MROH1: variants seen among roughly 807,000 people sequenced by gnomAD.
The protein encoded by MROH1 is maestro heat like repeat family member 1.
MROH1 carries 117 observed loss-of-function variants against 116.5 expected under a neutral mutation model. That is an observed-to-expected ratio of 1.00 (90% CI 0.86 to 1.17). MROH1 has a LOEUF of 1.17. MROH1 is among the 50% of genes most tolerant of loss of function. The pLI is 0.00. For missense variants in MROH1, 1,873 were observed against 1,338.5 expected (o/e 1.40, Z -6.23); for synonymous variants, 921 against 583.9 (o/e 1.58, Z -8.32).
chr8:144,243,814 A>G (rs1300235878), intron 25 of MROH1, 49 bp from the exon 26 acceptor site: 7 of 754,926 alleles, frequency 9.3e-6, no homozygotes, highest in African/African-American at 1.7e-5. Context: ...ACCAGGGAGG[A>G]GAGCTGGCGT....
intron 1 of MROH1, among the ~76,000 whole-genome samples, chr8:144,156,780 CTTTTTTT>C (rs1188353149): frequency 1.2e-5 from 1 of 82,412 alleles, no homozygotes; most frequent in East Asian, 4.4e-4. Context: ...AGTTTAATTT[CTTTTTTT>C]TTTTTTTTTT....
In MROH1 at chr8:144,247,407, C is replaced by T; in HGVS notation, c.2978C>T (p.Ser993Phe). 1.3e-6 allele frequency: 1 copy of T among 771,184 alleles called. No homozygotes were observed. Among genetic ancestry groups the T allele is most frequent in the Non-Finnish European group, 2.4e-6 (1 of 413,652 alleles). The allele number at this position is 771,184 out of a possible 1,614,324, so 47.8% of individuals were successfully genotyped here. The change falls in exon 30 of 44, where the codon TCC (serine) becomes TTC (phenylalanine). Residue 993 changes from serine (S) to phenylalanine (F), a missense_variant. By Grantham distance (155) the Ser-to-Phe change is radical (BLOSUM62 -2). Transcript: ENST00000326134. ...TRQEAVDCVY[S>F]LLYLQLGYEG... ...CAGGAGGCCGTGGACTGTGTCTACT[C>T]CCTGCTGTACCTCCAGCTCGGCTAT...
At position 144,191,930 on chromosome 8, in the gene MROH1, C is replaced by T. The variant is rs1588047272; in HGVS notation, c.855+75C>T. 2.6e-6 allele frequency: 4 copies of T among 1,560,794 alleles called. No homozygotes were observed. The East Asian group carries it at 9.0e-5, about 35-fold the overall frequency. On this transcript the variant is annotated intron_variant, in intron 9 of 43. Transcript: ENST00000326134. ...GACTCCCCGGGGGTGGCCGTGAGTC[C>T]TCGGCTAGGGCTCAGTGGTGGGTGG... is the stretch of plus-strand genomic sequence containing the variant.
At chr8:144,214,287 C>G (rs1834803507) in intron 12 of MROH1, 1 of 152,352 alleles carries the variant, frequency 6.6e-6, no homozygotes, top group African/African-American at 2.4e-5. Context: ...CAGTGCAGCA[C>G]CCCCATGAAT....
At chr8:144,172,953 C>T (rs1286707310) in intron 4 of MROH1, among the ~76,000 whole-genome samples, 4 of 152,008 alleles carry the variant, frequency 2.6e-5, no homozygotes. Context: ...CAGAATAAAC[C>T]TTGTTAGGTA....
chr8:144,239,093 C>G lies in MROH1; in HGVS notation c.1505C>G (p.Thr502Ser), dbSNP rs1367561577. 3.9e-6 allele frequency: 3 copies of G among 776,710 alleles called. No individual in the cohort carries two copies. The highest frequency in any genetic ancestry group is 7.2e-6 in the Non-Finnish European group (3 of 417,766). 48.1% of individuals were successfully genotyped at this position (776,710 alleles called of 1,614,324 possible). A position where few individuals can be genotyped will look rare whatever the true frequency, so the allele number is the denominator to read the frequency against. Residue 502 changes from threonine to serine, a missense_variant, in exon 16 of 44, where the codon ACT becomes AGT. Coordinates refer to ENST00000326134, the MANE Select transcript of MROH1 (RefSeq NM_032450.3). ...CCTGTGCGCTTCACTGGGGCCCTGA[C>G]TCCGCTCTGCAGGAGCCTCGTGCAT... is the stretch of plus-strand genomic sequence containing the variant. ...LTPVRFTGAL[T>S]PLCRSLVHLA...
chr8:144,164,341 G>A (rs1367388334), intron 3 of MROH1, among the ~76,000 whole-genome samples: 2 of 150,566 alleles, frequency 1.3e-5, no homozygotes, highest in Non-Finnish European at 1.5e-5. Context: ...GGAGGCGGAG[G>A]TTGCAGTGAG....
chr8:144,240,215 G>T, intron 19 of MROH1, 62 bp downstream of exon 19: 1 of 698,682 alleles, frequency 1.4e-6, no homozygotes, highest in South Asian at 1.6e-5. Context: ...GGGGGTGCTG[G>T]GGTGGCAGAG....
At position 144,259,326 on chromosome 8, in the gene MROH1, G is replaced by A. The variant is rs1844523993; in HGVS notation, c.4016G>A (p.Arg1339Lys). 1.4e-6 allele frequency: 1 copy of A among 715,188 alleles called. No individual in the cohort carries two copies. The highest frequency in any genetic ancestry group is 2.6e-6 in the Non-Finnish European group (1 of 384,896). The allele number at this position is 715,188 out of a possible 1,614,324, so 44.3% of individuals were successfully genotyped here. A position where few individuals can be genotyped will look rare whatever the true frequency, so the allele number is the denominator to read the frequency against. ...CACAGCAGTGCGTATGAGAACCAGA[G>A]GGTGACCACCACCGCCTTCCTGGCC... ...CTHSSAYENQ[R>K]VTTTAFLAEL... The change falls in exon 37 of 44, where the codon AGG becomes AAG. Residue 1339 changes from arginine to lysine, a missense_variant. Physicochemically the swap from Arg to Lys is conservative, Grantham distance 26. Coordinates refer to ENST00000326134, the MANE Select transcript of MROH1 (RefSeq NM_032450.3).
At chr8:144,164,116 C>G (rs1820199743) in intron 3 of MROH1, among the ~76,000 whole-genome samples, 1 of 139,170 alleles carries the variant, frequency 7.2e-6, no homozygotes, top group Admixed American at 7.3e-5. Flanking sequence ...TTTTTTAAGA[C>G]AGGGTCGGCT....
chr8:144,163,751 T>G lies in MROH1; in HGVS notation c.-56-20T>G. 1 of 1,505,858 alleles carries G rather than the reference T, an allele frequency of 6.6e-7. No individual in the cohort carries two copies. The highest frequency in any genetic ancestry group is 9.2e-7 in the Non-Finnish European group (1 of 1,087,352). 93.3% of individuals were successfully genotyped at this position (1,505,858 alleles called of 1,614,324 possible). A position where few individuals can be genotyped will look rare whatever the true frequency, so the allele number is the denominator to read the frequency against. On this transcript the variant is annotated intron_variant, in intron 2 of 43. Transcript: ENST00000326134. This position sits in a 1 kb window ranked among gnomAD's most constrained non-coding sequence, Gnocchi z 4.4. ...TCGTAGAGGCTTATGAATTAAATCT[T>G]GTGATTTTGGTTATTCCAGATGGGA... is the stretch of plus-strand genomic sequence containing the variant.
chr8:144,244,705 G>A (rs1841589566), intron 28 of MROH1, among the ~76,000 whole-genome samples, 166 bp downstream of exon 28: 2 of 152,192 alleles, frequency 1.3e-5, no homozygotes, highest in South Asian at 4.1e-4. Context: ...CATCTGGGCT[G>A]GCAAGCAGTT....
intron 10 of MROH1, chr8:144,192,666 G>A (rs1042091525): frequency 1.6e-5 from 10 of 641,322 alleles, no homozygotes; most frequent in South Asian, 4.9e-5. Context: ...TGCAGGCCCA[G>A]TACAGGTGGT....
At chr8:144,219,451 C>A (rs1282220731) in intron 12 of MROH1, among the ~76,000 whole-genome samples, 1 of 152,176 alleles carries the variant, frequency 6.6e-6, no homozygotes, top group African/African-American at 2.4e-5. Flanking sequence ...AGCCACCACA[C>A]CTAACCCCTT....
At chr8:144,188,757 C>T (rs776231343) in intron 7 of MROH1, among the ~76,000 whole-genome samples, 32 of 152,102 alleles carry the variant, frequency 2.1e-4, no homozygotes, top group African/African-American at 5.1e-4. Flanking sequence ...TGAGCCACTG[C>T]GTCCGGCCAC....
At chr8:144,210,361 C>T (rs1028760117) in intron 12 of MROH1, among the ~76,000 whole-genome samples, 3 of 151,612 alleles carry the variant, frequency 2.0e-5, no homozygotes, top group African/African-American at 7.3e-5. Flanking sequence ...TTGCTTGAAC[C>T]TGGGAGGGGG....
At chr8:144,164,129 G>C (rs1328493208) in intron 3 of MROH1, among the ~76,000 whole-genome samples, 2 of 150,524 alleles carry the variant, frequency 1.3e-5, no homozygotes, top group Non-Finnish European at 3.0e-5. Context: ...GGTCGGCTGG[G>C]CACAGTGGCT....
intron 14 of MROH1, among the ~76,000 whole-genome samples, chr8:144,233,069 G>T (rs1839253627): frequency 6.6e-6 from 1 of 150,484 alleles, no homozygotes; most frequent in Non-Finnish European, 1.5e-5. Flanking sequence ...GGCTCAAGAA[G>T]TCTTTCTGCC....
chr8:144,179,414 G>A lies in MROH1; in HGVS notation c.169-41G>A, dbSNP rs200825830. 370 of 1,605,790 alleles carry A rather than the reference G, an allele frequency of 2.3e-4. 4 individuals carry two copies. The East Asian group carries it at 8.0e-3, about 35-fold the overall frequency. ...ACAGGCACTCAGAGTGTCTGGGTGT[G>A]GGGCTCACCTGGGACCGACCTGGAC... On this transcript the variant is annotated intron_variant, in intron 4 of 43. Transcript: ENST00000326134.
Sources: gnomAD v4.1 joint callset for allele counts (sites outside exome capture counted in the v4.1 genomes callset) on GRCh38, gnomAD v4.1.1 for gene constraint, Gnocchi (gnomAD v3.1) non-coding constraint, MANE v1.5 for transcripts, NCBI Gene and HGNC (gene_info 2026-07-23, HGNC 2026-07-21) for gene names.